EEPD1: variants seen among roughly 807,000 people sequenced by gnomAD.
EEPD1 encodes endonuclease/exonuclease/phosphatase family domain containing 1.
Under a neutral mutation model 46.3 loss-of-function variants are expected in EEPD1, and 17 were observed. That is an observed-to-expected ratio of 0.37 (90% CI 0.25 to 0.55). EEPD1 has a LOEUF of 0.55. EEPD1 is among the 20% of genes least tolerant of loss of function. The probability of loss-of-function intolerance (pLI) is 0.83; values close to 1 mark genes in which losing one functional copy is unlikely to be tolerated. For synonymous variants in EEPD1, 313 were observed against 315.6 expected, an observed-to-expected ratio of 0.99 and a Z score of 0.09; for missense variants, 673 against 745.6, an observed-to-expected ratio of 0.90 and a Z score of 1.13.
chr7:36,264,569 C>T (rs892387456), intron 3 of EEPD1, among the ~76,000 whole-genome samples: 2 of 152,194 alleles, frequency 1.3e-5, no homozygotes, highest in Non-Finnish European at 2.9e-5. Context: ...CTGCAGGACA[C>T]TGTCATGGCA....
intron 2 of EEPD1, among the ~76,000 whole-genome samples, chr7:36,189,536 T>C (rs573176900): frequency 6.6e-6 from 1 of 152,324 alleles, no homozygotes; most frequent in African/African-American, 2.4e-5. Flanking sequence ...TAGAATTTTG[T>C]TGAATACCAG....
chr7:36,232,557 C>A (rs973415054), intron 2 of EEPD1, among the ~76,000 whole-genome samples: 3 of 151,178 alleles, frequency 2.0e-5, no homozygotes, highest in Non-Finnish European at 4.4e-5. Context: ...TTGCCCCTCC[C>A]CCTACTCCTA....
intron 2 of EEPD1, among the ~76,000 whole-genome samples, chr7:36,220,846 C>T (rs918917426): frequency 2.6e-5 from 4 of 152,180 alleles, no homozygotes; most frequent in African/African-American, 9.7e-5. Context: ...GGTGCCCAGG[C>T]TAGAATGCAG....
Position 36,297,166 on chromosome 7 carries a change from A to C in EEPD1, c.1489A>C (p.Ser497Arg), listed in dbSNP as rs1411853714. 5.0e-6 allele frequency: 8 copies of C among 1,614,054 alleles called. No homozygotes were observed. The African/African-American group carries it at 9.3e-5, about 19-fold the overall frequency. Residue 497 changes from serine (S) to arginine (R), a missense_variant, in exon 7 of 8, where the codon AGC (serine) becomes CGC (arginine). By Grantham distance (110) the Ser-to-Arg change is moderately radical. Coordinates refer to ENST00000242108, the MANE Select transcript of EEPD1 (RefSeq NM_030636.3). ...KSLDNIWISK[S>R]LKKVFTGHWA... Reference sequence around the variant, plus strand: ...TCTGGACAACATCTGGATCAGTAAAAGCTTAAAGAAGGTTTTCACAGGTGA... The same window carrying C: ...TCTGGACAACATCTGGATCAGTAAACGCTTAAAGAAGGTTTTCACAGGTGA...
chr7:36,226,810 A>G lies in EEPD1; in HGVS notation c.879-12175A>G, dbSNP rs148865126. Among the ~76,000 whole-genome samples the G allele has an allele frequency of 4.7e-3, 714 of 152,352 alleles. 2 individuals carry two copies. Among genetic ancestry groups the G allele is most frequent in the African/African-American group, 0.016 (680 of 41,574 alleles). ...AGACTGCATAATGAAATTTGAAACA[A>G]GGATAAATACATACTTAGAGAAAAA... On this transcript the variant is annotated intron_variant, in intron 2 of 7. Coordinates refer to ENST00000242108, the MANE Select transcript of EEPD1 (RefSeq NM_030636.3).
chr7:36,282,957 A>G (rs998720094), intron 4 of EEPD1, among the ~76,000 whole-genome samples: 2 of 152,264 alleles, frequency 1.3e-5, no homozygotes, highest in Non-Finnish European at 2.9e-5. Flanking sequence ...CAGGTTGAAA[A>G]TGTTCAATCT....
intron 3 of EEPD1, among the ~76,000 whole-genome samples, chr7:36,244,841 C>T (rs1258330880): frequency 1.4e-5 from 2 of 144,582 alleles, no homozygotes; most frequent in African/African-American, 2.6e-5. Context: ...GGTGTGATCT[C>T]GGCTCACTGC....
At chr7:36,208,831 C>T (rs1218106736) in intron 2 of EEPD1, among the ~76,000 whole-genome samples, 2 of 152,206 alleles carry the variant, frequency 1.3e-5, no homozygotes, top group South Asian at 2.1e-4. Context: ...GCAGCATCTG[C>T]GTCACCTGGG....
chr7:36,164,020 C>G (rs889819595), intron 2 of EEPD1, among the ~76,000 whole-genome samples: 8 of 151,726 alleles, frequency 5.3e-5, no homozygotes, highest in Admixed American at 5.3e-4. Flanking sequence ...TATGATTTTT[C>G]GTAAGTATAC....
At chr7:36,298,915 C>A in intron 7 of EEPD1, 92 bp from the exon 8 acceptor site, 1 of 1,451,310 alleles carries the variant, frequency 6.9e-7, no homozygotes, top group Non-Finnish European at 9.5e-7. Context: ...GGCCTGCAGA[C>A]ATGCGGTGTG....
intron 2 of EEPD1, among the ~76,000 whole-genome samples, chr7:36,183,455 C>G (rs1785308794): frequency 6.6e-6 from 1 of 152,156 alleles, no homozygotes; most frequent in South Asian, 2.1e-4. Flanking sequence ...CACAGGAAAC[C>G]CCAAAGCTGC....
At chr7:36,209,302 C>T (rs1233043637) in intron 2 of EEPD1, among the ~76,000 whole-genome samples, 1 of 152,060 alleles carries the variant, frequency 6.6e-6, no homozygotes, top group Admixed American at 6.6e-5. Context: ...TCTAATTCTG[C>T]AAAAACAAAA....
At chr7:36,197,341 C>T (rs1372517586) in intron 2 of EEPD1, among the ~76,000 whole-genome samples, 19 of 151,298 alleles carry the variant, frequency 1.3e-4, no homozygotes, top group African/African-American at 4.6e-4. Flanking sequence ...AGGTGAGGGG[C>T]GCCTCTGCCC....
At chr7:36,211,752 C>G (rs935347497) in intron 2 of EEPD1, among the ~76,000 whole-genome samples, 1 of 151,988 alleles carries the variant, frequency 6.6e-6, no homozygotes, top group African/African-American at 2.4e-5. Context: ...TGGCGAAACC[C>G]TGTCTCTACT....
chr7:36,238,619 G>A (rs941573630), intron 2 of EEPD1, among the ~76,000 whole-genome samples: 25 of 152,114 alleles, frequency 1.6e-4, no homozygotes, highest in African/African-American at 5.8e-4. Flanking sequence ...TATATACTAC[G>A]TTTTGCTTAT....
chr7:36,160,683 C>CG (rs78161290), intron 2 of EEPD1, among the ~76,000 whole-genome samples: 3 of 126,386 alleles, frequency 2.4e-5, no homozygotes, highest in East Asian at 2.2e-4. Context: ...TGGTGGGGGG[C>CG]GGGGCGTGCA....
At chr7:36,289,730 G>A (rs533639535) in intron 6 of EEPD1, among the ~76,000 whole-genome samples, 10 of 152,324 alleles carry the variant, frequency 6.6e-5, no homozygotes, top group East Asian at 1.9e-4. Flanking sequence ...TCCTGACCTC[G>A]TGATCTGCCC....
intron 3 of EEPD1, among the ~76,000 whole-genome samples, chr7:36,271,455 T>G (rs1787100490): frequency 1.3e-5 from 2 of 152,002 alleles, no homozygotes; most frequent in Admixed American, 6.6e-5. Context: ...TTTGATGGGG[T>G]TGTTTGGTTT....
At chr7:36,240,794 AGACCT>A (rs1786543647) in intron 3 of EEPD1, among the ~76,000 whole-genome samples, 1 of 152,182 alleles carries the variant, frequency 6.6e-6, no homozygotes, top group Non-Finnish European at 1.5e-5. Flanking sequence ...ATTTTTCCGC[AGACCT>A]GGGTTGGGGG....
Sources: allele counts gnomAD v4.1 joint callset (sites outside exome capture counted in the v4.1 genomes callset), GRCh38; gene constraint gnomAD v4.1.1; transcripts MANE v1.5; gene names NCBI Gene and HGNC (gene_info 2026-07-23, HGNC 2026-07-21).